Variants in SULF1 observed in about 807,000 individuals in gnomAD.
The protein encoded by SULF1 is sulfatase 1.
Under a neutral mutation model 110.5 loss-of-function variants are expected in SULF1, and 46 were observed. The observed-to-expected ratio is 0.42, with a 90% confidence interval of 0.33 to 0.53. The LOEUF (loss-of-function observed/expected upper bound fraction) is 0.53, where lower values mean the gene tolerates loss of function less well. Among genes scored for constraint, SULF1 ranks in the 20% least tolerant of loss-of-function variants. The pLI is 0.12. For synonymous variants in SULF1, 371 were observed against 387.1 expected, an observed-to-expected ratio of 0.96 and a Z score of 0.49; for missense variants, 941 against 1,094.2, an observed-to-expected ratio of 0.86 and a Z score of 1.98.
chr8:69,610,577 C>A (rs2130465822), intron 13 of SULF1, among the ~76,000 whole-genome samples: 1 of 152,320 alleles, frequency 6.6e-6, no homozygotes, highest in South Asian at 2.1e-4. Flanking sequence ...CCATTGTGGA[C>A]CACTCAGCCT....
intron 5 of SULF1, among the ~76,000 whole-genome samples, chr8:69,568,684 G>A (rs549973419): frequency 4.1e-4 from 63 of 152,220 alleles, no homozygotes; most frequent in South Asian, 8.3e-4. Context: ...AGTTGTTCAC[G>A]TTGTGCCTAT....
intron 3 of SULF1, among the ~76,000 whole-genome samples, chr8:69,531,707 T>C (rs1038803467): frequency 6.6e-6 from 1 of 152,236 alleles, no homozygotes; most frequent in Non-Finnish European, 1.5e-5. Context: ...TTCACTTAAT[T>C]TCACCACAGA....
chr8:69,509,164 T>G (rs1811394511), intron 3 of SULF1, among the ~76,000 whole-genome samples: 1 of 152,138 alleles, frequency 6.6e-6, no homozygotes, highest in African/African-American at 2.4e-5. Context: ...TGTTGTAATA[T>G]TTAAAGGATA....
intron 3 of SULF1, among the ~76,000 whole-genome samples, chr8:69,519,976 G>A (rs777231297): frequency 2.6e-4 from 40 of 152,158 alleles, no homozygotes; most frequent in Non-Finnish European, 5.4e-4. Context: ...CTGTACAAGA[G>A]GTTTCGTATA....
chr8:69,575,199 G>GTTT (rs573518232), intron 5 of SULF1, among the ~76,000 whole-genome samples: 1 of 141,166 alleles, frequency 7.1e-6, no homozygotes, highest in Non-Finnish European at 1.6e-5. Context: ...AATCGAAATA[G>GTTT]TTTTTTTTTT....
chr8:69,563,908 C>A lies in SULF1; in HGVS notation c.-60-8C>A. 2 of 1,532,496 alleles carry A rather than the reference C, an allele frequency of 1.3e-6. No homozygotes were observed. The highest frequency in any genetic ancestry group is 1.2e-5 in the South Asian group (1 of 86,102). 94.9% of individuals were successfully genotyped at this position (1,532,496 alleles called of 1,614,324 possible). A position where few individuals can be genotyped will look rare whatever the true frequency, so the allele number is the denominator to read the frequency against. On this transcript the variant is annotated splice_region_variant and splice_polypyrimidine_tract_variant and intron_variant, in intron 4 of 22. Transcript: ENST00000402687. ...TCTCACCGTCTCCGTTTTTCTCTGA[C>A]TGCCCAGAACTCCAGAAATCAGGAG...
chr8:69,605,065 C>T (rs2130426070), intron 13 of SULF1, 133 bp downstream of exon 13: 1 of 1,227,516 alleles, frequency 8.1e-7, no homozygotes, highest in Non-Finnish European at 1.1e-6. Flanking sequence ...GGCAAGCTCA[C>T]TGAGACACCT....
At chr8:69,548,650 AG>A in intron 3 of SULF1, among the ~76,000 whole-genome samples, 2 of 145,432 alleles carry the variant, frequency 1.4e-5, no homozygotes, top group Admixed American at 1.4e-4. Context: ...TAGTAGAGAC[AG>A]GGTTTCACCA....
intron 22 of SULF1, among the ~76,000 whole-genome samples, chr8:69,655,249 G>A (rs1563637768): frequency 6.6e-6 from 1 of 152,108 alleles, no homozygotes; most frequent in Non-Finnish European, 1.5e-5. Context: ...GGCATTATAT[G>A]TCTGACAGTG....
At chr8:69,526,831 A>AAGGG (rs1438296642) in intron 3 of SULF1, among the ~76,000 whole-genome samples, 7 of 143,934 alleles carry the variant, frequency 4.9e-5, no homozygotes, top group Non-Finnish European at 4.5e-5. Context: ...GGAAGGAAGG[A>AAGGG]AGGAAGGAAG....
intron 8 of SULF1, 103 bp downstream of exon 8, chr8:69,589,244 A>G (rs1182771461): frequency 2.6e-6 from 3 of 1,154,582 alleles, no homozygotes; most frequent in Non-Finnish European, 3.6e-6. Flanking sequence ...CTGCGTATCC[A>G]CAAGGCTTTC....
intron 18 of SULF1, among the ~76,000 whole-genome samples, chr8:69,628,952 CAT>C (rs1174390816): frequency 6.6e-6 from 1 of 152,132 alleles, no homozygotes; most frequent in East Asian, 1.9e-4. Flanking sequence ...TTTCCATGCA[CAT>C]GAGGAGGAAA....
chr8:69,552,962 A>T lies in SULF1; in HGVS notation c.-133-10577A>T, dbSNP rs554986715. 3.9e-5 allele frequency among the ~76,000 whole-genome samples: 6 copies of T among 152,352 alleles called. No individual in the cohort carries two copies. The East Asian group carries it at 1.2e-3, about 29-fold the overall frequency. On this transcript the variant is annotated intron_variant, in intron 3 of 22. Transcript: ENST00000402687. Reference sequence around the variant, plus strand: ...CCTAAACTAAACAGGTGGCCTAGTGAGTCCCTTGTTACCTACACAGGGACA... The same window carrying T: ...CCTAAACTAAACAGGTGGCCTAGTGTGTCCCTTGTTACCTACACAGGGACA...
intron 13 of SULF1, among the ~76,000 whole-genome samples, chr8:69,608,500 T>C (rs1293559054): frequency 6.6e-6 from 1 of 151,966 alleles, no homozygotes; most frequent in Non-Finnish European, 1.5e-5. Context: ...GCCGACATAG[T>C]CATAGTGAAA....
chr8:69,532,786 C>T (rs190657576), intron 3 of SULF1, among the ~76,000 whole-genome samples: 5 of 152,274 alleles, frequency 3.3e-5, no homozygotes, highest in African/African-American at 1.2e-4. Context: ...AAAACTGGAA[C>T]TCCACATTCA....
chr8:69,638,420 A>G (rs1014448826), intron 19 of SULF1, 82 bp from the exon 20 acceptor site: 3 of 1,473,712 alleles, frequency 2.0e-6, no homozygotes, highest in Non-Finnish European at 2.8e-6. Context: ...AAGTGTAAAG[A>G]TAAGGGAACA....
At chr8:69,469,017 A>G (rs1808975254) in intron 1 of SULF1, among the ~76,000 whole-genome samples, 2 of 152,232 alleles carry the variant, frequency 1.3e-5, no homozygotes, top group Admixed American at 1.3e-4. Context: ...CAAGAAAGGA[A>G]GTGTGGAGAG....
At chr8:69,544,264 TG>T (rs995681671) in intron 3 of SULF1, among the ~76,000 whole-genome samples, 4 of 147,502 alleles carry the variant, frequency 2.7e-5, no homozygotes, top group Non-Finnish European at 5.9e-5. Context: ...TTTTTTTGTT[TG>T]TTTTTTTGTT....
intron 3 of SULF1, among the ~76,000 whole-genome samples, chr8:69,515,715 T>G (rs1237834340): frequency 6.6e-6 from 1 of 152,236 alleles, no homozygotes; most frequent in African/African-American, 2.4e-5. Flanking sequence ...ATTTCTTCGT[T>G]TATGCAAATG....
Sources: gnomAD v4.1 joint callset for allele counts (sites outside exome capture counted in the v4.1 genomes callset) on GRCh38, gnomAD v4.1.1 for gene constraint, MANE v1.5 for transcripts, NCBI Gene and HGNC (gene_info 2026-07-23, HGNC 2026-07-21) for gene names.